The following SBK1 variants were observed in gnomAD, a reference collection of about 807,000 sequenced individuals.
The protein encoded by SBK1 is serine/threonine-protein kinase SBK1.
Under a neutral mutation model 24.4 loss-of-function variants are expected in SBK1, and 11 were observed. The observed-to-expected ratio is 0.45, with a 90% CI of 0.28 to 0.75. SBK1 has a LOEUF of 0.75. Ranked by LOEUF, SBK1 falls within the 30% of genes least tolerant of loss-of-function variation. The pLI is 0.12. For synonymous variants in SBK1, 308 were observed against 284.4 expected (o/e 1.08, Z -0.83); for missense variants, 467 against 620.5 (o/e 0.75, Z 2.63).
At chr16:28,274,567 G>T (rs1054116348) in intron 1 of SBK1, among the ~76,000 whole-genome samples, 5 of 151,974 alleles carry the variant, frequency 3.3e-5, no homozygotes, top group Non-Finnish European at 7.4e-5. Flanking sequence ...CAGGAGAATC[G>T]CTTGAACCCA....
Position 28,320,482 on chromosome 16 carries a change from C to G in SBK1, c.836C>G (p.Ser279Trp). ...WQRGRLPGLP[S>W]QWRRFTEPAL... ...CGGGGCCGCCTGCCGGGGCTGCCTTCGCAGTGGCGCCGCTTCACCGAGCCC... is the reference window on the plus strand; with the variant it reads ...CGGGGCCGCCTGCCGGGGCTGCCTTGGCAGTGGCGCCGCTTCACCGAGCCC... Residue 279 changes from serine (S) to tryptophan (W), a missense_variant, in exon 4 of 4, where the codon TCG becomes TGG. By Grantham distance (177) the Ser-to-Trp change is radical. This residue lies in a region of SBK1 where 86 missense variants were observed against 121.7 expected (regional missense o/e 0.71). Transcript: ENST00000341901. The surrounding 1 kb of genome is among the most constrained non-coding windows in gnomAD (Gnocchi z 8.5). 1 of 1,573,624 alleles carries G rather than the reference C, an allele frequency of 6.4e-7. No homozygotes were observed. Among genetic ancestry groups the G allele is most frequent in the Non-Finnish European group, 8.6e-7 (1 of 1,166,654 alleles).
intron 1 of SBK1, among the ~76,000 whole-genome samples, 175 bp downstream of exon 1, chr16:28,293,475 C>T (rs985255082): frequency 6.6e-6 from 1 of 152,180 alleles, no homozygotes; most frequent in Non-Finnish European, 1.5e-5. Flanking sequence ...CCCTCCTCCT[C>T]TCCCTTCCCC....
At chr16:28,305,882 A>C (rs1028251565) in intron 1 of SBK1, among the ~76,000 whole-genome samples, 1 of 152,042 alleles carries the variant, frequency 6.6e-6, no homozygotes, top group Non-Finnish European at 1.5e-5. Flanking sequence ...CTGTCTTAAA[A>C]CCAGATTTGA....
At chr16:28,263,982 A>T (rs2044412786) in intron 1 of SBK1, among the ~76,000 whole-genome samples, 2 of 152,056 alleles carry the variant, frequency 1.3e-5, no homozygotes, top group African/African-American at 2.4e-5. Context: ...TTCTAAAATT[A>T]GCCAGGCATG....
Position 28,320,756 on chromosome 16 carries a change from C to A in SBK1, c.1110C>A (p.Val370=). 2.3e-6 allele frequency: 3 copies of A among 1,282,284 alleles called. No individual in the cohort carries two copies. Among genetic ancestry groups the A allele is most frequent in the Non-Finnish European group, 3.0e-6 (3 of 1,005,678 alleles). The allele number at this position is 1,282,284 out of a possible 1,614,324, so 79.4% of individuals were successfully genotyped here. Residue 370 remains valine, a synonymous_variant, in exon 4 of 4, where the codon GTC becomes GTA. Transcript: ENST00000341901. The surrounding 1 kb of genome is among the most constrained non-coding windows in gnomAD (Gnocchi z 8.5). ...GSGSRPAPPA[V]GSVPLPVPVP... ...GCTCCCGGCCCGCGCCCCCCGCCGT[C>A]GGGTCGGTGCCCTTGCCCGTGCCGG...
Position 28,317,553 on chromosome 16 carries a change from A to G in SBK1, c.162A>G (p.Glu54=). 6.2e-7 allele frequency: 1 copy of G among 1,614,166 alleles called. No homozygotes were observed. Among genetic ancestry groups the G allele is most frequent in the Non-Finnish European group, 8.5e-7 (1 of 1,180,016 alleles). Residue 54 remains glutamate, a synonymous_variant, in exon 2 of 4, where the codon GAA becomes GAG. Coordinates refer to ENST00000341901, the MANE Select transcript of SBK1 (RefSeq NM_001024401.3). The surrounding 1 kb of genome is among the most constrained non-coding windows in gnomAD (Gnocchi z 4.2). ...LAASDVTKHY[E]LVRELGKGTY... ...CCAGCGACGTCACCAAGCACTACGA[A>G]CTAGTCCGGGAGCTGGGCAAAGGCA...
intron 1 of SBK1, among the ~76,000 whole-genome samples, chr16:28,309,760 C>T (rs187148941): frequency 3.7e-4 from 57 of 152,164 alleles, no homozygotes; most frequent in African/African-American, 1.4e-3. Flanking sequence ...TAGGAAGCAC[C>T]CCCCCTTCTC....
rs71380914 is a variant in SBK1, at chr16:28,280,149, A to ATGTGTGTGTGTGTGTGTGTG, written c.257+20651_257+20670dup. Among the ~76,000 whole-genome samples, 213 of 39,298 alleles carry ATGTGTGTGTGTGTGTGTGTG rather than the reference A, an allele frequency of 5.4e-3. 16 individuals are homozygous for ATGTGTGTGTGTGTGTGTGTG. Among genetic ancestry groups the ATGTGTGTGTGTGTGTGTGTG allele is most frequent in the Non-Finnish European group, 9.9e-3 (183 of 18,400 alleles). 25.8% of individuals were successfully genotyped at this position (39,298 alleles called of 152,430 possible). A position where few individuals can be genotyped will look rare whatever the true frequency, so the allele number is the denominator to read the frequency against. Reference sequence around the variant, plus strand: ...TATATATATATATATATATATATATATGTGTGTGTGTGTGTGTGTGTGTAT... The same window carrying ATGTGTGTGTGTGTGTGTGTG: ...TATATATATATATATATATATATATATGTGTGTGTGTGTGTGTGTGTGTGTGTGTGTGTGTGTGTGTGTAT... On this transcript the variant is annotated intron_variant, in intron 1 of 3. Transcript: ENST00000671413.
intron 1 of SBK1, among the ~76,000 whole-genome samples, chr16:28,277,284 G>A (rs1337742725): frequency 6.6e-6 from 1 of 151,996 alleles, no homozygotes; most frequent in Non-Finnish European, 1.5e-5. Flanking sequence ...TGGCTGCGTG[G>A]GGACTTTTGA....
intron 1 of SBK1, among the ~76,000 whole-genome samples, chr16:28,265,553 C>A (rs2044423067): frequency 1.3e-5 from 2 of 151,340 alleles, no homozygotes; most frequent in Admixed American, 1.3e-4. Flanking sequence ...TGCACTCCAG[C>A]CTGGGCAACA....
chr16:28,283,855 C>T (rs1404396631), intron 1 of SBK1, among the ~76,000 whole-genome samples: 1 of 152,102 alleles, frequency 6.6e-6, no homozygotes, highest in Non-Finnish European at 1.5e-5. Flanking sequence ...CTCCGACCTG[C>T]CAGCATCCTC....
rs2044808523 is a variant in SBK1 at position 28,317,783 on chromosome 16, C to T, written c.226+166C>T. ...TGTAGAGGATGAGGCCTGAGGCAGC[C>T]CAGGGGGAAAGAGACTGGGCAGATG... On this transcript the variant is annotated intron_variant, in intron 2 of 3. Coordinates refer to ENST00000341901, the MANE Select transcript of SBK1 (RefSeq NM_001024401.3). The surrounding 1 kb of genome is among the most constrained non-coding windows in gnomAD (Gnocchi z 4.2). Among the ~76,000 whole-genome samples, 1 of 151,944 alleles carries T rather than the reference C, an allele frequency of 6.6e-6. No individual in the cohort carries two copies. Among genetic ancestry groups the T allele is most frequent in the Non-Finnish European group, 1.5e-5 (1 of 67,974 alleles).
At chr16:28,274,620 C>G (rs991721822) in intron 1 of SBK1, among the ~76,000 whole-genome samples, 7 of 152,062 alleles carry the variant, frequency 4.6e-5, no homozygotes, top group Admixed American at 4.6e-4. Flanking sequence ...CCACTGCACT[C>G]CAGCCTGGGT....
rs1295645649 is a variant in SBK1, at chr16:28,322,507, T to G, written c.*1586T>G. On this transcript the variant is annotated 3_prime_UTR_variant, in exon 4 of 4. Coordinates refer to ENST00000341901, the MANE Select transcript of SBK1 (RefSeq NM_001024401.3). ...GCCGGCCAGAGTGAACTCCGAGCACTTTCTGGCTGGTGCCCCAACCTCTCC... is the reference window on the plus strand; with the variant it reads ...GCCGGCCAGAGTGAACTCCGAGCACGTTCTGGCTGGTGCCCCAACCTCTCC... 6.5e-6 allele frequency: 1 copy of G among 152,808 alleles called. No individual in the cohort carries two copies. The highest frequency in any genetic ancestry group is 1.9e-4 in the East Asian group (1 of 5,294). 9.5% of individuals were successfully genotyped at this position (152,808 alleles called of 1,614,324 possible). A position where few individuals can be genotyped will look rare whatever the true frequency, so the allele number is the denominator to read the frequency against.
At chr16:28,264,918 C>G (rs752583307) in intron 1 of SBK1, among the ~76,000 whole-genome samples, 23 of 151,874 alleles carry the variant, frequency 1.5e-4, no homozygotes, top group Non-Finnish European at 2.9e-4. Flanking sequence ...AAGGAAGTGT[C>G]GCGAGGAGAG....
At chr16:28,286,829 A>G (rs916571465) in intron 1 of SBK1, 2 of 150,088 alleles carry the variant, frequency 1.3e-5, no homozygotes, top group African/African-American at 2.5e-5. Flanking sequence ...AGTATGGCCA[A>G]CTGAACACAG....
chr16:28,320,836 A>G lies in SBK1; in HGVS notation c.1190A>G (p.Gln397Arg), dbSNP rs767667923. Residue 397 changes from glutamine (Q) to arginine (R), a missense_variant, in exon 4 of 4, where the codon CAG becomes CGG. This residue lies in a region of SBK1 where 166 missense variants were observed against 146.8 expected (regional missense o/e 1.13). Coordinates refer to ENST00000341901, the MANE Select transcript of SBK1 (RefSeq NM_001024401.3). The surrounding 1 kb of genome is among the most constrained non-coding windows in gnomAD (Gnocchi z 8.5). ...VPVPEPGLAPQGPPGRTDGRA... is the reference protein window; with the variant it reads ...VPVPEPGLAPRGPPGRTDGRA... ...GTGCCCGAGCCCGGCCTAGCTCCCCAGGGGCCCCCCGGCCGGACCGACGGC... is the reference window on the plus strand; with the variant it reads ...GTGCCCGAGCCCGGCCTAGCTCCCCGGGGGCCCCCCGGCCGGACCGACGGC... 1.4e-5 allele frequency: 20 copies of G among 1,464,666 alleles called. No homozygotes were observed. In the South Asian group the frequency reaches 1.5e-4, roughly 11 times the overall value. 90.7% of individuals were successfully genotyped at this position (1,464,666 alleles called of 1,614,324 possible).
intron 1 of SBK1, among the ~76,000 whole-genome samples, chr16:28,299,381 G>A (rs989428125): frequency 1.3e-5 from 2 of 152,194 alleles, no homozygotes; most frequent in African/African-American, 2.4e-5. Flanking sequence ...GGAGGTGTAT[G>A]GGTGAAGCTG....
chr16:28,275,602 C>T lies in SBK1; in HGVS notation c.257+16100C>T, dbSNP rs192051999. Among the ~76,000 whole-genome samples, 45 of 151,910 alleles carry T rather than the reference C, an allele frequency of 3.0e-4. No individual in the cohort carries two copies. The East Asian group carries it at 8.4e-3, about 28-fold the overall frequency. ...TCCTGGAAAAAGAATGAGGGGGTCCCGGTGCAGTGGCTCATGTCTGTAATT... is the reference window on the plus strand; with the variant it reads ...TCCTGGAAAAAGAATGAGGGGGTCCTGGTGCAGTGGCTCATGTCTGTAATT... On this transcript the variant is annotated intron_variant, in intron 1 of 3. Coordinates refer to the SBK1 transcript ENST00000671413.
Sources: allele counts gnomAD v4.1 joint callset (sites outside exome capture counted in the v4.1 genomes callset), GRCh38; gene constraint gnomAD v4.1.1; regional missense constraint gnomAD v4.1.1; non-coding constraint Gnocchi (gnomAD v3.1); transcripts MANE v1.5; gene names NCBI Gene and HGNC (gene_info 2026-07-23, HGNC 2026-07-21).